The following FAM3B variants were observed in gnomAD, a reference collection of about 807,000 sequenced individuals.
The protein encoded by FAM3B is protein FAM3B.
FAM3B carries 29 observed loss-of-function variants against 28.4 expected under a neutral mutation model. The ratio of observed to expected loss-of-function variants is 1.02; its 90% confidence interval spans 0.76 to 1.39. The LOEUF is 1.39. FAM3B is among the 40% of genes most tolerant of loss of function. FAM3B has a pLI of 0.00. For synonymous variants in FAM3B, 91 were observed against 103.0 expected, an observed-to-expected ratio of 0.88 and a Z score of 0.71; for missense variants, 266 against 293.9, an observed-to-expected ratio of 0.91 and a Z score of 0.69.
At chr21:41,316,617 G>T (rs894654079), upstream of FAM3B, 2 of 363,558 alleles carry the variant, frequency 5.5e-6, no homozygotes, top group Non-Finnish European at 9.8e-6. Context: ...GCCCGGCGGG[G>T]AACGGGTCCA....
At chr21:41,321,034 G>T (rs1185427519) in intron 1 of FAM3B, 1 of 152,152 alleles carries the variant, frequency 6.6e-6, no homozygotes, top group Non-Finnish European at 1.5e-5. Flanking sequence ...TGTTGCTCAG[G>T]ATCTCAGGTG....
chr21:41,350,311 G>A (rs1288732767), intron 7 of FAM3B, among the ~76,000 whole-genome samples: 3 of 152,196 alleles, frequency 2.0e-5, no homozygotes, highest in Admixed American at 6.5e-5. Flanking sequence ...TGTGATCCAT[G>A]CCACAGGCTG....
chr21:41,306,419 C>G (rs890461572), intron 1 of FAM3B, among the ~76,000 whole-genome samples: 1 of 152,216 alleles, frequency 6.6e-6, no homozygotes, highest in Non-Finnish European at 1.5e-5. Context: ...AGAGGAATCA[C>G]TCTTTATGGT....
intron 1 of FAM3B, among the ~76,000 whole-genome samples, chr21:41,306,182 T>G (rs1485544405): frequency 6.6e-6 from 1 of 152,240 alleles, no homozygotes; most frequent in African/African-American, 2.4e-5. Context: ...TTAGGCTCCA[T>G]TCTTAATGCT....
intron 1 of FAM3B, among the ~76,000 whole-genome samples, chr21:41,308,785 T>G (rs968457365): frequency 2.0e-5 from 3 of 152,138 alleles, no homozygotes; most frequent in Non-Finnish European, 2.9e-5. Flanking sequence ...GTGATCCGCC[T>G]GCCTCGGTTT....
chr21:41,343,404 T>C (rs1396511093), intron 3 of FAM3B, among the ~76,000 whole-genome samples: 1 of 152,230 alleles, frequency 6.6e-6, no homozygotes, highest in African/African-American at 2.4e-5. Context: ...ACTTGCCTCA[T>C]GTTTTCTGCT....
intron 1 of FAM3B, among the ~76,000 whole-genome samples, chr21:41,310,244 C>T (rs12482864): frequency 0.21 from 32,181 of 151,934 alleles, 3,891 homozygotes; most frequent in East Asian, 0.54. Flanking sequence ...CACCCCACCC[C>T]GGCCCCGCAT....
chr21:41,317,004 C>T, intron 1 of FAM3B, 106 bp downstream of exon 1: 2 of 1,053,870 alleles, frequency 1.9e-6, no homozygotes, highest in Non-Finnish European at 2.4e-6. Context: ...TTAGCAAAAG[C>T]GGGAGGGCTG....
At chr21:41,350,402 C>T (rs922964563) in intron 7 of FAM3B, among the ~76,000 whole-genome samples, 3 of 152,210 alleles carry the variant, frequency 2.0e-5, no homozygotes, top group African/African-American at 7.2e-5. Flanking sequence ...TCAGAATCAT[C>T]ACCTGTGAGA....
intron 1 of FAM3B, among the ~76,000 whole-genome samples, chr21:41,305,836 A>C (rs529543237): frequency 6.6e-6 from 1 of 152,342 alleles, no homozygotes; most frequent in Non-Finnish European, 1.5e-5. Context: ...TGAAGATTAG[A>C]GCGGCTGTGG....
intron 2 of FAM3B, among the ~76,000 whole-genome samples, chr21:41,329,723 C>T (rs1373323277): frequency 1.3e-5 from 2 of 152,116 alleles, no homozygotes; most frequent in African/African-American, 4.8e-5. Flanking sequence ...GTGCTCACCA[C>T]CTCACCTGGC....
intron 2 of FAM3B, among the ~76,000 whole-genome samples, chr21:41,337,720 T>C (rs111328386): frequency 0.043 from 6,511 of 151,624 alleles, 447 homozygotes; most frequent in African/African-American, 0.15. Flanking sequence ...CTATATGGTA[T>C]GGTGTGCATG....
intron 7 of FAM3B, 53 bp downstream of exon 7, chr21:41,348,777 G>C (rs1450954714): frequency 1.9e-6 from 3 of 1,606,950 alleles, no homozygotes; most frequent in Non-Finnish European, 2.6e-6. Context: ...AGTAAATGCT[G>C]TGCCTTGAAA....
At chr21:41,334,824 A>C (rs1251905664) in intron 2 of FAM3B, among the ~76,000 whole-genome samples, 1 of 152,232 alleles carries the variant, frequency 6.6e-6, no homozygotes, top group Non-Finnish European at 1.5e-5. Flanking sequence ...AAGCCACAGA[A>C]ACTTAATGCC....
In FAM3B at chr21:41,338,385, C is replaced by G; in HGVS notation, c.171C>G (p.Val57=). 6.2e-7 allele frequency: 1 copy of G among 1,614,090 alleles called. No individual in the cohort carries two copies. Among genetic ancestry groups the G allele is most frequent in the African/African-American group, 1.3e-5 (1 of 75,018 alleles). The change falls in exon 3 of 8, where the codon GTC becomes GTG. Residue 57 remains valine, a synonymous_variant. Transcript: ENST00000357985. ...CTTTCTTATTCATTACAGCTCCAGT[C>G]CCCAAAAGGCAAAAATGTGACCACT... ...IGERPVLKAP[V]PKRQKCDHWT... is the part of the protein sequence containing the mutation.
intron 2 of FAM3B, among the ~76,000 whole-genome samples, chr21:41,336,270 C>T (rs2088954499): frequency 6.6e-6 from 1 of 152,158 alleles, no homozygotes; most frequent in Admixed American, 6.6e-5. Context: ...ATCTGTAATC[C>T]CAGCACTTTG....
chr21:41,347,992 G>A (rs2089080114), intron 6 of FAM3B, among the ~76,000 whole-genome samples: 1 of 152,102 alleles, frequency 6.6e-6, no homozygotes, highest in South Asian at 2.1e-4. Flanking sequence ...TTTTCATGGA[G>A]CATCTTACCA....
chr21:41,325,882 A>G (rs540617415), intron 2 of FAM3B, among the ~76,000 whole-genome samples: 36 of 152,320 alleles, frequency 2.4e-4, no homozygotes, highest in African/African-American at 8.4e-4. Context: ...TGGGTGAAGC[A>G]GCTATTGTAT....
In FAM3B at chr21:41,323,025, C is replaced by T; in HGVS notation, c.122C>T (p.Ala41Val). The T allele has an allele frequency of 6.2e-7, 1 of 1,608,914 alleles. No individual in the cohort carries two copies. The highest frequency in any genetic ancestry group is 8.5e-7 in the Non-Finnish European group (1 of 1,180,012). The change falls in exon 2 of 8, where the codon GCC (alanine) becomes GTC (valine). Residue 41 changes from alanine to valine, a missense_variant. Ala to Val is a moderately conservative substitution (Grantham distance 64). Coordinates refer to ENST00000357985, the MANE Select transcript of FAM3B (RefSeq NM_058186.4). ...LIPDAPLSSA[A>V]YSIRSIGERP... ...CCAGATGCACCCCTGTCCAGTGCTG[C>T]CTATAGCATCCGCAGCATCGGGGAG...
Sources: gnomAD v4.1 joint callset for allele counts (sites outside exome capture counted in the v4.1 genomes callset) on GRCh38, gnomAD v4.1.1 for gene constraint, MANE v1.5 for transcripts, NCBI Gene and HGNC (gene_info 2026-07-23, HGNC 2026-07-21) for gene names.